Variants in SLC9A7 observed in about 807,000 individuals in gnomAD.
SLC9A7 encodes the protein sodium/hydrogen exchanger 7.
A neutral mutation model predicts 52.6 loss-of-function variants in SLC9A7; 19 were observed. The ratio of observed to expected loss-of-function variants is 0.36; its 90% confidence interval spans 0.25 to 0.53. SLC9A7 has a LOEUF of 0.53. Ranked by LOEUF, SLC9A7 falls within the 20% of genes least tolerant of loss-of-function variation. The pLI, the probability that SLC9A7 is intolerant of heterozygous loss-of-function variation, is 0.91. For missense variants in SLC9A7, 455 were observed against 597.9 expected, an observed-to-expected ratio of 0.76 and a Z score of 2.49; for synonymous variants, 226 against 252.1, an observed-to-expected ratio of 0.90 and a Z score of 0.98.
At chrX:46,674,336 G>A (rs963521192) in intron 3 of SLC9A7, among the ~76,000 whole-genome samples, 50 of 112,039 alleles carry the variant, frequency 4.5e-4, no homozygotes, top group African/African-American at 1.4e-3. Flanking sequence ...CCCATCTCCC[G>A]TTCATATCTG....
chrX:46,645,869 A>T (rs2146764013), intron 11 of SLC9A7, among the ~76,000 whole-genome samples: 1 of 111,225 alleles, frequency 9.0e-6, no homozygotes, highest in African/African-American at 3.3e-5. Flanking sequence ...CAAGTCAAGG[A>T]GCTTATGCCA....
chrX:46,676,356 C>T (rs185156745), intron 3 of SLC9A7, among the ~76,000 whole-genome samples: 1 of 111,899 alleles, frequency 8.9e-6, no homozygotes, highest in African/African-American at 3.2e-5. Context: ...GAAATCCCTC[C>T]CACATTTAAT....
intron 3 of SLC9A7, among the ~76,000 whole-genome samples, chrX:46,673,602 T>C (rs1944061463): frequency 8.9e-6 from 1 of 112,009 alleles, no homozygotes; most frequent in South Asian, 3.7e-4. Context: ...GGGCCAGGAA[T>C]ACTTTACCTA....
intron 1 of SLC9A7, among the ~76,000 whole-genome samples, chrX:46,694,083 AT>A (rs1944416352): frequency 9.0e-6 from 1 of 110,691 alleles, no homozygotes; most frequent in African/African-American, 3.3e-5. Context: ...AAAACTACCT[AT>A]TGTGTACTAT....
rs1304477623 is a variant in SLC9A7 at position 46,603,824 on chromosome X, G to C, written c.*3128C>G. 1 of 104,686 alleles carries C rather than the reference G, an allele frequency of 9.6e-6. No individual in the cohort carries two copies. Among genetic ancestry groups the C allele is most frequent in the Non-Finnish European group, 1.9e-5 (1 of 52,244 alleles). 8.6% of individuals were successfully genotyped at this position (104,686 alleles called of 1,213,427 possible). On this transcript the variant is annotated 3_prime_UTR_variant, in exon 17 of 17. Transcript: ENST00000616978. ...ACTGCACTCCAGCCTGGGGGATAGA[G>C]CGAGACTCCATCTAAAAACAAAACA...
chrX:46,615,660 A>G (rs1271284542), intron 15 of SLC9A7, among the ~76,000 whole-genome samples: 3 of 99,975 alleles, frequency 3.0e-5, no homozygotes, highest in African/African-American at 1.2e-4. Context: ...ATACATATAC[A>G]TATATATATA....
At chrX:46,740,481 A>G (rs1416180259) in intron 1 of SLC9A7, among the ~76,000 whole-genome samples, 2 of 111,907 alleles carry the variant, frequency 1.8e-5, no homozygotes, top group African/African-American at 6.5e-5. Context: ...TAAAGATTCC[A>G]CCAAAAAACT....
intron 7 of SLC9A7, among the ~76,000 whole-genome samples, chrX:46,657,289 C>A (rs1435251193): frequency 1.8e-5 from 2 of 109,572 alleles, no homozygotes; most frequent in Non-Finnish European, 3.8e-5. Flanking sequence ...TAAAGACCAT[C>A]GAGACTAGGA....
rs377581516 is a variant in SLC9A7 at position 46,706,335 on chromosome X, G to A, written c.326-23800C>T. 2.0e-4 allele frequency among the ~76,000 whole-genome samples: 21 copies of A among 106,433 alleles called. No individual in the cohort carries two copies. The East Asian group carries it at 5.2e-3, about 26-fold the overall frequency. The allele number at this position is 106,433 out of a possible 115,157, so 92.4% of individuals were successfully genotyped here. ...CAAAATCACCTTGACATGGGAAGAG[G>A]TAGCTGGAAGGTATAGATGTAATAA... On this transcript the variant is annotated intron_variant, in intron 1 of 16. Coordinates refer to ENST00000616978, the MANE Select transcript of SLC9A7 (RefSeq NM_001257291.2).
At chrX:46,698,678 T>C (rs1944484997) in intron 1 of SLC9A7, among the ~76,000 whole-genome samples, 1 of 112,360 alleles carries the variant, frequency 8.9e-6, no homozygotes, top group Non-Finnish European at 1.9e-5. Context: ...CATGGATTTA[T>C]ATTCCAGTGC....
intron 12 of SLC9A7, among the ~76,000 whole-genome samples, chrX:46,642,654 A>G (rs930165349): frequency 8.9e-6 from 1 of 111,971 alleles, no homozygotes; most frequent in Non-Finnish European, 1.9e-5. Flanking sequence ...CTCTTGAAAA[A>G]GTCAAACTCG....
intron 1 of SLC9A7, among the ~76,000 whole-genome samples, chrX:46,744,146 C>T (rs1921566812): frequency 8.9e-6 from 1 of 112,407 alleles, no homozygotes; most frequent in African/African-American, 3.2e-5. Flanking sequence ...CTAGCCATTA[C>T]ATCCACATTC....
intron 14 of SLC9A7, among the ~76,000 whole-genome samples, chrX:46,628,723 G>C (rs1282079030): frequency 8.9e-6 from 1 of 112,163 alleles, no homozygotes; most frequent in South Asian, 3.7e-4. Flanking sequence ...TTCTCTGGTG[G>C]AGAACAAACA....
At position 46,758,831 on chromosome X, in the gene SLC9A7, G is replaced by A. The variant is rs1556294638; in HGVS notation, c.199C>T (p.His67Tyr). The A allele has an allele frequency of 8.3e-7, 1 of 1,205,527 alleles. No individual in the cohort carries two copies. The highest frequency in any genetic ancestry group is 1.8e-5 in the African/African-American group (1 of 57,106). Residue 67 changes from histidine to tyrosine, a missense_variant, in exon 1 of 17, where the codon CAC (histidine) becomes TAC (tyrosine). Physicochemically the swap from His to Tyr is moderately conservative, Grantham distance 83. Transcript: ENST00000616978. ...AGCAGGCTCACGCTGTCTTGCCGGTGGCTCTCCTCCGCCTCCTTCTCAGTA... is the reference window on the plus strand; with the variant it reads ...AGCAGGCTCACGCTGTCTTGCCGGTAGCTCTCCTCCGCCTCCTTCTCAGTA... ...LATEKEAEESHRQDSVSLLTF... is the reference protein window; with the variant it reads ...LATEKEAEESYRQDSVSLLTF...
At chrX:46,648,830 A>G (rs1399122190) in intron 10 of SLC9A7, 33 bp from the exon 11 acceptor site, 3 of 1,050,822 alleles carry the variant, frequency 2.9e-6, no homozygotes, top group African/African-American at 3.7e-5. Flanking sequence ...AGGGACCAAC[A>G]GTTTCCAGAA....
rs766619827 is a variant in SLC9A7 at position 46,613,366 on chromosome X, C to G, written c.1852G>C (p.Gly618Arg). The G allele has an allele frequency of 1.7e-6, 2 of 1,202,985 alleles. No individual in the cohort carries two copies. The highest frequency in any genetic ancestry group is 2.2e-6 in the Non-Finnish European group (2 of 890,934). Reference protein sequence around the residue: ...NYLKPILTHSGPPLTTTLPAW... With the variant: ...NYLKPILTHSRPPLTTTLPAW... Reference sequence around the variant, plus strand: ...GGGAGCGTGGTGGTTAGTGGGGGACCACTGTGTGTGAGGATGGGCTTCAGG... The same window carrying G: ...GGGAGCGTGGTGGTTAGTGGGGGACGACTGTGTGTGAGGATGGGCTTCAGG... Residue 618 changes from glycine (G) to arginine (R), a missense_variant, in exon 16 of 17, where the codon GGT becomes CGT. Physicochemically the swap from Gly to Arg is moderately radical, Grantham distance 125. Transcript: ENST00000616978.
At chrX:46,733,092 A>G (rs911698041) in intron 1 of SLC9A7, among the ~76,000 whole-genome samples, 2 of 112,320 alleles carry the variant, frequency 1.8e-5, no homozygotes, top group Non-Finnish European at 3.8e-5. Context: ...AGTGGTTACT[A>G]CAATGTTAAG....
intron 8 of SLC9A7, 113 bp downstream of exon 8, chrX:46,653,496 C>T: frequency 2.1e-6 from 1 of 470,811 alleles, no homozygotes; most frequent in Non-Finnish European, 3.7e-6. Context: ...CGGACACTTG[C>T]TGAACAGTTA....
chrX:46,653,610 T>C lies in SLC9A7; in HGVS notation c.1146A>G (p.Thr382=), dbSNP rs139984049. 5 of 1,203,632 alleles carry C rather than the reference T, an allele frequency of 4.2e-6. No homozygotes were observed. Among genetic ancestry groups the C allele is most frequent in the Non-Finnish European group, 4.5e-6 (4 of 888,603 alleles). Residue 382 remains threonine, a splice_region_variant and synonymous_variant, in exon 8 of 17, where the codon ACA becomes ACG. Coordinates refer to ENST00000616978, the MANE Select transcript of SLC9A7 (RefSeq NM_001257291.2). Reference sequence around the variant, plus strand: ...GGTCCAAGAGTAGAAAAAACCTACCTGTAAATCCGCAGGCTTCTGCCAAGA... The same window carrying C: ...GGTCCAAGAGTAGAAAAAACCTACCCGTAAATCCGCAGGCTTCTGCCAAGA... The part of the protein sequence containing the change: ...TFLLAEACGF[T]GVVAVLFCGI...
Sources: allele counts gnomAD v4.1 joint callset (sites outside exome capture counted in the v4.1 genomes callset), GRCh38; gene constraint gnomAD v4.1.1; transcripts MANE v1.5; gene names NCBI Gene and HGNC (gene_info 2026-07-23, HGNC 2026-07-21).